OPCML: variants seen among roughly 807,000 people sequenced by gnomAD.
OPCML encodes opioid binding protein/cell adhesion molecule like, also known as opioid-binding protein/cell adhesion molecule.
OPCML carries 13 observed loss-of-function variants against 37.8 expected under a neutral mutation model. The observed-to-expected ratio is 0.34, with a 90% CI of 0.22 to 0.55. The LOEUF (loss-of-function observed/expected upper bound fraction) is 0.55, where lower values mean the gene tolerates loss of function less well. Ranked by LOEUF, OPCML falls within the 20% of genes least tolerant of loss-of-function variation. The pLI is 0.91. For synonymous variants in OPCML, 176 were observed against 168.8 expected (o/e 1.04, Z -0.33); for missense variants, 341 against 435.6 (o/e 0.78, Z 1.93).
intron 2 of OPCML, among the ~76,000 whole-genome samples, chr11:132,689,512 G>A (rs1344140666): frequency 1.3e-5 from 2 of 152,162 alleles, no homozygotes; most frequent in Non-Finnish European, 2.9e-5. Flanking sequence ...TTATCCACTG[G>A]TTCAAAAGTA....
chr11:132,570,304 C>T (rs962338744), intron 3 of OPCML, among the ~76,000 whole-genome samples: 3 of 152,050 alleles, frequency 2.0e-5, no homozygotes, highest in African/African-American at 7.2e-5. Context: ...AAAATATTTT[C>T]GTTTGGCCCT....
intron 2 of OPCML, 97 bp downstream of exon 2, chr11:132,942,829 G>T (rs1945627082): frequency 1.3e-6 from 2 of 1,505,022 alleles, no homozygotes; most frequent in South Asian, 1.2e-5. Flanking sequence ...GCCCACTCGC[G>T]TTCCGGTCCC....
intron 1 of OPCML, among the ~76,000 whole-genome samples, chr11:133,194,608 C>A (rs1592092126): frequency 6.6e-6 from 1 of 152,314 alleles, no homozygotes; most frequent in East Asian, 1.9e-4. Flanking sequence ...ACAACTACCC[C>A]CTGATACCAA....
At chr11:133,123,852 G>A (rs1044695006) in intron 1 of OPCML, among the ~76,000 whole-genome samples, 2 of 152,150 alleles carry the variant, frequency 1.3e-5, no homozygotes, top group South Asian at 2.1e-4. Context: ...TGGTATCAAC[G>A]TTCCATGTCA....
intron 1 of OPCML, among the ~76,000 whole-genome samples, chr11:133,061,311 C>T (rs1315437460): frequency 7.9e-5 from 12 of 152,234 alleles, no homozygotes; most frequent in East Asian, 1.9e-4. Flanking sequence ...CTACCTCTTC[C>T]TCTTCCTTTC....
chr11:132,521,428 T>C (rs1402104420), intron 4 of OPCML, among the ~76,000 whole-genome samples: 7 of 152,176 alleles, frequency 4.6e-5, no homozygotes, highest in Non-Finnish European at 7.4e-5. Context: ...TTGCTTTTGG[T>C]GTTTTAGTAC....
At chr11:133,215,555 T>C (rs1186649140) in intron 1 of OPCML, among the ~76,000 whole-genome samples, 2 of 152,174 alleles carry the variant, frequency 1.3e-5, no homozygotes, top group Admixed American at 6.5e-5. Flanking sequence ...TTTTTATACC[T>C]TTAGATTGGT....
intron 1 of OPCML, among the ~76,000 whole-genome samples, chr11:133,337,419 C>T (rs192956785): frequency 1.2e-3 from 184 of 152,280 alleles, no homozygotes; most frequent in Non-Finnish European, 1.9e-3. Context: ...TGGGGAACCA[C>T]GGACTTCCAT....
intron 1 of OPCML, among the ~76,000 whole-genome samples, chr11:133,396,540 C>T (rs1417082156): frequency 1.3e-5 from 2 of 152,148 alleles, no homozygotes; most frequent in African/African-American, 4.8e-5. Context: ...CCCCAAGGCT[C>T]AACTCAGTTT....
intron 2 of OPCML, among the ~76,000 whole-genome samples, chr11:132,843,186 C>G (rs1323212263): frequency 6.6e-6 from 1 of 150,968 alleles, no homozygotes; most frequent in East Asian, 2.0e-4. Context: ...CCTCTGTCTC[C>G]CGGGTTCAAG....
At chr11:132,607,273 C>T (rs1045977327) in intron 3 of OPCML, among the ~76,000 whole-genome samples, 6 of 152,206 alleles carry the variant, frequency 3.9e-5, no homozygotes, top group Admixed American at 2.6e-4. Flanking sequence ...AGAGGATGCT[C>T]ACTGTGCATT....
intron 1 of OPCML, among the ~76,000 whole-genome samples, chr11:133,124,186 G>A (rs202209127): frequency 1.1e-4 from 16 of 151,110 alleles, no homozygotes; most frequent in Admixed American, 6.6e-4. Context: ...AAAAAAAAAG[G>A]CATTTTAAGA....
intron 1 of OPCML, among the ~76,000 whole-genome samples, chr11:132,956,106 T>C (rs986091466): frequency 3.3e-5 from 5 of 152,234 alleles, no homozygotes; most frequent in Admixed American, 2.0e-4. Flanking sequence ...TCAAAGATAT[T>C]TGTCCACATT....
rs140038401 is a variant in OPCML, at chr11:133,257,946, G to A, written c.61+274318C>T. Among the ~76,000 whole-genome samples the A allele has an allele frequency of 4.6e-5, 7 of 151,180 alleles. No individual in the cohort carries two copies. In the East Asian group the frequency reaches 5.8e-4, roughly 13 times the overall value. On this transcript the variant is annotated intron_variant, in intron 1 of 7. Coordinates refer to ENST00000524381, the MANE Select transcript of OPCML (RefSeq NM_001012393.5). ...CAAAGTCAAGACCATTAAATCTATCGATGACTGGAAAACCTTATTGGACTT... is the reference window on the plus strand; with the variant it reads ...CAAAGTCAAGACCATTAAATCTATCAATGACTGGAAAACCTTATTGGACTT...
chr11:132,619,720 C>T (rs1218529529), intron 3 of OPCML, among the ~76,000 whole-genome samples: 4 of 148,714 alleles, frequency 2.7e-5, no homozygotes, highest in Admixed American at 6.7e-5. Flanking sequence ...GGCGTGGTGG[C>T]GGGCGCCTGT....
intron 3 of OPCML, among the ~76,000 whole-genome samples, chr11:132,547,805 A>C (rs1301505542): frequency 6.6e-6 from 1 of 152,140 alleles, no homozygotes; most frequent in East Asian, 1.9e-4. Flanking sequence ...TGAACGTGAC[A>C]TCATGTTTAT....
intron 4 of OPCML, among the ~76,000 whole-genome samples, chr11:132,476,013 AT>A (rs1329284497): frequency 2.0e-5 from 3 of 152,162 alleles, no homozygotes; most frequent in African/African-American, 7.2e-5. Flanking sequence ...TCTACCTCAA[AT>A]GGTTATTGTG....
intron 1 of OPCML, among the ~76,000 whole-genome samples, chr11:133,491,055 G>A (rs890921864): frequency 1.3e-5 from 2 of 152,178 alleles, no homozygotes; most frequent in Non-Finnish European, 2.9e-5. Context: ...AACATTTATC[G>A]AATGAATGAG....
At chr11:133,204,892 A>ATATGTGTG (rs1938989455) in intron 1 of OPCML, among the ~76,000 whole-genome samples, 8 of 137,338 alleles carry the variant, frequency 5.8e-5, no homozygotes, top group Non-Finnish European at 1.2e-4. Flanking sequence ...ATATATATAT[A>ATATGTGTG]TATATATATA....
Sources: allele counts gnomAD v4.1 joint callset (sites outside exome capture counted in the v4.1 genomes callset), GRCh38; gene constraint gnomAD v4.1.1; transcripts MANE v1.5; gene names NCBI Gene and HGNC (gene_info 2026-07-23, HGNC 2026-07-21).